STAG1: variants seen among roughly 807,000 people sequenced by gnomAD.
STAG1 encodes STAG1 cohesin complex component.
A neutral mutation model predicts 170.9 loss-of-function variants in STAG1; 26 were observed. The ratio of observed to expected loss-of-function variants is 0.15; its 90% CI spans 0.11 to 0.21. The LOEUF is 0.21. Ranked by LOEUF, STAG1 falls within the 10% of genes least tolerant of loss-of-function variation. The pLI, the probability that STAG1 is intolerant of heterozygous loss-of-function variation, is 1.00. For missense variants in STAG1, 964 were observed against 1,509.5 expected (o/e 0.64, Z 5.99); for synonymous variants, 514 against 497.7 (o/e 1.03, Z -0.44).
chr3:136,612,434 C>T (rs1939344644), intron 3 of STAG1, among the ~76,000 whole-genome samples: 1 of 151,620 alleles, frequency 6.6e-6, no homozygotes, highest in Non-Finnish European at 1.5e-5. Context: ...AGCAAGACTC[C>T]TTCTCTACAA....
At chr3:136,624,258 C>G (rs1452688220) in intron 2 of STAG1, among the ~76,000 whole-genome samples, 3 of 151,848 alleles carry the variant, frequency 2.0e-5, no homozygotes, top group Admixed American at 6.6e-5. Flanking sequence ...GCCACCAGGC[C>G]CGGCTAATTT....
At chr3:136,391,221 G>A (rs1436102648) in intron 22 of STAG1, among the ~76,000 whole-genome samples, 2 of 152,058 alleles carry the variant, frequency 1.3e-5, no homozygotes, top group Non-Finnish European at 2.9e-5. Context: ...TTGCAGTCTA[G>A]AATAGAAACA....
intron 10 of STAG1, among the ~76,000 whole-genome samples, chr3:136,475,009 C>T (rs571451745): frequency 2.0e-5 from 3 of 152,070 alleles, no homozygotes; most frequent in Non-Finnish European, 4.4e-5. Context: ...GTACAGGATA[C>T]CCTCTAAGGT....
At chr3:136,749,929 C>A (rs939654668) in intron 1 of STAG1, among the ~76,000 whole-genome samples, 1 of 146,442 alleles carries the variant, frequency 6.8e-6, no homozygotes, top group Non-Finnish European at 1.5e-5. Flanking sequence ...AAGAAAGAAA[C>A]TAATATACCC....
At chr3:136,427,039 G>A (rs531193740) in intron 16 of STAG1, among the ~76,000 whole-genome samples, 6 of 148,376 alleles carry the variant, frequency 4.0e-5, no homozygotes, top group East Asian at 2.0e-4. Flanking sequence ...CAGCCTGGGC[G>A]ACAGAGCGAG....
intron 3 of STAG1, among the ~76,000 whole-genome samples, chr3:136,614,497 C>A (rs148940850): frequency 2.6e-5 from 4 of 152,218 alleles, no homozygotes; most frequent in East Asian, 1.9e-4. Flanking sequence ...TGCAGCAACA[C>A]AGTAAGTAAT....
chr3:136,491,308 T>C (rs2090121042), intron 9 of STAG1, among the ~76,000 whole-genome samples: 1 of 152,088 alleles, frequency 6.6e-6, no homozygotes, highest in Non-Finnish European at 1.5e-5. Flanking sequence ...TGAAACTTCT[T>C]TTTAAAGGAC....
In STAG1 at chr3:136,692,850, T is replaced by C. The variant is rs1942772103; in HGVS notation, c.-84+59345A>G. 2.0e-5 allele frequency among the ~76,000 whole-genome samples: 3 copies of C among 152,200 alleles called. No homozygotes were observed. The South Asian group carries it at 6.2e-4, about 32-fold the overall frequency. ...TAAGGCAGATTGGCTCAACAGATAT[T>C]AGGCAAAAGCTTGGCTGGATCAATT... On this transcript the variant is annotated intron_variant, in intron 1 of 33. Coordinates refer to ENST00000383202, the MANE Select transcript of STAG1 (RefSeq NM_005862.3).
chr3:136,431,883 T>C (rs1559797716), intron 16 of STAG1, among the ~76,000 whole-genome samples: 1 of 152,230 alleles, frequency 6.6e-6, no homozygotes, highest in Non-Finnish European at 1.5e-5. Flanking sequence ...GTTGTGTCTA[T>C]ATGTGGAACT....
chr3:136,343,931 TGTG>T lies in STAG1; in HGVS notation c.3344_3346del (p.Pro1115del), dbSNP rs1232533586. 3.1e-6 allele frequency: 5 copies of T among 1,612,262 alleles called. No individual in the cohort carries two copies. Among genetic ancestry groups the T allele is most frequent in the Non-Finnish European group, 2.5e-6 (3 of 1,179,228 alleles). On this transcript the variant is annotated inframe_deletion, in exon 30 of 34. Transcript: ENST00000383202. ...CTCCCGCAGTACAGTGGATGTGAGT[TGTG>T]GTGCTGGCAGGGGGCCAGGAGTCTG...
chr3:136,542,216 CATTAATCTTTCA>C lies in STAG1; in HGVS notation c.395-33_395-22del, dbSNP rs562748306. ...AGTACCTGTGGAACAACAGATTTTA[CATTAATCTTTCA>C]ATTAATCTTTCAGATCAATTTCCAC... On this transcript the variant is annotated intron_variant, in intron 5 of 33. Coordinates refer to ENST00000383202, the MANE Select transcript of STAG1 (RefSeq NM_005862.3). The C allele has an allele frequency of 1.9e-4, 299 of 1,567,302 alleles. No individual in the cohort carries two copies. The East Asian group carries it at 2.4e-3, about 12-fold the overall frequency.
intron 21 of STAG1, among the ~76,000 whole-genome samples, chr3:136,415,374 A>G (rs765673575): frequency 4.6e-5 from 7 of 152,180 alleles, no homozygotes; most frequent in Non-Finnish European, 8.8e-5. Flanking sequence ...CTCCCCAAAC[A>G]GCTAGACAGT....
At chr3:136,384,993 A>C (rs919197142) in intron 22 of STAG1, among the ~76,000 whole-genome samples, 3 of 152,192 alleles carry the variant, frequency 2.0e-5, no homozygotes, top group Admixed American at 2.0e-4. Context: ...AGGAGTGGGA[A>C]CTGAAGCTAA....
intron 13 of STAG1, among the ~76,000 whole-genome samples, chr3:136,460,064 A>G (rs2089230924): frequency 1.3e-5 from 2 of 152,236 alleles, no homozygotes; most frequent in South Asian, 4.1e-4. Flanking sequence ...TAAATACAAA[A>G]GACCAATGAA....
intron 22 of STAG1, among the ~76,000 whole-genome samples, chr3:136,390,923 T>TG (rs945935508): frequency 6.6e-6 from 1 of 152,192 alleles, no homozygotes; most frequent in Admixed American, 6.5e-5. Context: ...TGCATGTTTG[T>TG]GGGAAGGACA....
intron 8 of STAG1, among the ~76,000 whole-genome samples, chr3:136,501,694 A>G (rs954611705): frequency 6.6e-6 from 1 of 152,196 alleles, no homozygotes; most frequent in Admixed American, 6.5e-5. Context: ...CAGCAGCCCT[A>G]TCAAACTAAT....
intron 1 of STAG1, among the ~76,000 whole-genome samples, chr3:136,725,998 T>C (rs1437155060): frequency 6.6e-6 from 1 of 152,136 alleles, no homozygotes; most frequent in Non-Finnish European, 1.5e-5. Context: ...AGAACACTTC[T>C]CAGTATTATC....
chr3:136,351,645 C>T (rs568776210), intron 28 of STAG1, among the ~76,000 whole-genome samples: 20 of 152,130 alleles, frequency 1.3e-4, no homozygotes, highest in Admixed American at 5.2e-4. Context: ...TATTCTTACA[C>T]CTAGGAGCAA....
intron 5 of STAG1, 30 bp from the exon 6 acceptor site, chr3:136,542,225 T>G: frequency 6.6e-7 from 1 of 1,524,024 alleles, no homozygotes; most frequent in Middle Eastern, 1.7e-4. Flanking sequence ...ACATTAATCT[T>G]TCAATTAATC....
Sources: gnomAD v4.1 joint callset for allele counts (sites outside exome capture counted in the v4.1 genomes callset) on GRCh38, gnomAD v4.1.1 for gene constraint, MANE v1.5 for transcripts, NCBI Gene and HGNC (gene_info 2026-07-23, HGNC 2026-07-21) for gene names.